The following NRDE2 variants were observed in gnomAD, a reference collection of about 807,000 sequenced individuals.
The protein encoded by NRDE2 is NRDE-2, necessary for RNA interference, domain containing, also known as nuclear exosome regulator NRDE2.
Under a neutral mutation model 124.2 loss-of-function variants are expected in NRDE2, and 76 were observed. The ratio of observed to expected loss-of-function variants is 0.61; its 90% CI spans 0.51 to 0.74. The LOEUF is 0.74. Ranked by LOEUF, NRDE2 falls within the 30% of genes least tolerant of loss-of-function variation. The probability of loss-of-function intolerance (pLI) is 0.00; values close to 1 mark genes in which losing one functional copy is unlikely to be tolerated. For synonymous variants in NRDE2, 489 were observed against 528.1 expected (o/e 0.93, Z 1.01); for missense variants, 1,314 against 1,417.3 (o/e 0.93, Z 1.17).
chr14:90,310,842 G>A (rs1884807658), intron 4 of NRDE2, among the ~76,000 whole-genome samples: 1 of 152,072 alleles, frequency 6.6e-6, no homozygotes, highest in African/African-American at 2.4e-5. Flanking sequence ...CCACATCTGG[G>A]GTAGTACCCT....
intron 4 of NRDE2, 127 bp downstream of exon 4, chr14:90,312,267 T>C: frequency 1.2e-6 from 1 of 806,178 alleles, no homozygotes; most frequent in Non-Finnish European, 2.0e-6. Context: ...GCCTGAACAA[T>C]GCAATAAATA....
intron 12 of NRDE2, among the ~76,000 whole-genome samples, chr14:90,283,706 G>GTTTT (rs199636568): frequency 4.1e-5 from 6 of 147,152 alleles, no homozygotes; most frequent in African/African-American, 7.6e-5. Flanking sequence ...ACTTTTGCAG[G>GTTTT]TTTTTTGTTT....
At position 90,301,351 on chromosome 14, in the gene NRDE2, T is replaced by C. The variant is rs763726146; in HGVS notation, c.1433A>G (p.His478Arg). ...AMFALFLQQCHFLRQAGHSEK... is the reference protein window; with the variant it reads ...AMFALFLQQCRFLRQAGHSEK... ...AGAGTGGCCAGCCTGCCGCAGAAAG[T>C]GGCACTGCTGAAGAAAGAGTGCTGC... The change falls in exon 7 of 14, where the codon CAC (histidine) becomes CGC (arginine). Residue 478 changes from histidine to arginine, a missense_variant. Physicochemically the swap from His to Arg is conservative, Grantham distance 29. Transcript: ENST00000354366. The C allele has an allele frequency of 1.2e-6, 2 of 1,613,918 alleles. No homozygotes were observed. The highest frequency in any genetic ancestry group is 2.2e-5 in the South Asian group (2 of 91,070).
At position 90,290,504 on chromosome 14, in the gene NRDE2, C is replaced by T. The variant is rs777738670; in HGVS notation, c.1946G>A (p.Gly649Asp). The T allele has an allele frequency of 1.2e-6, 2 of 1,613,976 alleles. No homozygotes were observed. The highest frequency in any genetic ancestry group is 4.5e-5 in the East Asian group (2 of 44,884). The change falls in exon 10 of 14, where the codon GGC becomes GAC. Residue 649 changes from glycine (G) to aspartate (D), a missense_variant. Transcript: ENST00000354366. Reference protein sequence around the residue: ...AFLQFLGVPSGFTPPASCLYL... With the variant: ...AFLQFLGVPSDFTPPASCLYL... ...AAGACAGGAGGCTGGAGGAGTAAAG[C>T]CAGAAGGCACACCCAAGAACTGCAG...
intron 3 of NRDE2, among the ~76,000 whole-genome samples, chr14:90,313,248 T>C (rs1273590306): frequency 2.7e-5 from 4 of 149,704 alleles, no homozygotes; most frequent in Non-Finnish European, 5.9e-5. Flanking sequence ...TGCCTCAGCC[T>C]CCTGAGTAGC....
At position 90,292,844 on chromosome 14, in the gene NRDE2, A is replaced by G. The variant is rs142369864; in HGVS notation, c.1695T>C (p.Asp565=). The change falls in exon 9 of 14, where the codon GAT becomes GAC. Residue 565 remains aspartate (D), a synonymous_variant. Transcript: ENST00000354366. ...GAGTCTTATCTTTTATTTCCTGGTC[A>G]TCCTCTTCTGGTTCATCGTCATCCT... ...PDEDDDEPEE[D]DQEIKDKTLP... The G allele has an allele frequency of 6.0e-5, 97 of 1,613,942 alleles. No homozygotes were observed. In the African/African-American group the frequency reaches 1.1e-3, roughly 18 times the overall value.
At chr14:90,298,434 C>T in intron 7 of NRDE2, 54 bp from the exon 8 acceptor site, 1 of 1,599,906 alleles carries the variant, frequency 6.3e-7, no homozygotes, top group Non-Finnish European at 8.5e-7. Context: ...ACTGCTGAGT[C>T]AGTGGGCAAA....
Position 90,287,033 on chromosome 14 carries a change from CAAAAAAA to C in NRDE2, c.3159-548_3159-542del, listed in dbSNP as rs60863011. ...TGGGCAACAGAGTGAGACTCCGTCT[CAAAAAAA>C]AAAAAAAAAAAAAAAAAAAAAAAGA... On this transcript the variant is annotated intron_variant, in intron 11 of 13. Transcript: ENST00000354366. Among the ~76,000 whole-genome samples the C allele has an allele frequency of 2.4e-3, 58 of 23,812 alleles. No homozygotes were observed. The East Asian group carries it at 0.078, about 32-fold the overall frequency. 15.6% of individuals were successfully genotyped at this position (23,812 alleles called of 152,430 possible).
In NRDE2 at chr14:90,302,874, C is replaced by T. The variant is rs1259889705; in HGVS notation, c.1257G>A (p.Gln419=). 1 of 1,614,000 alleles carries T rather than the reference C, an allele frequency of 6.2e-7. No homozygotes were observed. Among genetic ancestry groups the T allele is most frequent in the Non-Finnish European group, 8.5e-7 (1 of 1,180,046 alleles). The part of the protein sequence containing the change: ...FLHPNNTALW[Q]KYLLFCQSQF... ...GGCTCTGGCAAAATAAAAGGTATTT[C>T]TGCCAAAGGGCTGTATTATTGGGAT... Residue 419 remains glutamine, a synonymous_variant, in exon 6 of 14, where the codon CAG becomes CAA. Coordinates refer to ENST00000354366, the MANE Select transcript of NRDE2 (RefSeq NM_017970.4).
At chr14:90,301,200 A>C (rs770282941) in intron 7 of NRDE2, 39 bp downstream of exon 7, 1 of 1,603,460 alleles carries the variant, frequency 6.2e-7, no homozygotes, top group Non-Finnish European at 8.5e-7. Context: ...CCAGAGAAAG[A>C]GCCAGGAAGA....
chr14:90,285,346 G>C (rs1892073612), intron 12 of NRDE2, among the ~76,000 whole-genome samples: 1 of 139,880 alleles, frequency 7.1e-6, no homozygotes, highest in Admixed American at 7.5e-5. Flanking sequence ...CTGTCGTTCA[G>C]GCTGGAGTAG....
At position 90,276,559 on chromosome 14, in the gene NRDE2, T is replaced by A. The variant is rs1200084517; in HGVS notation, c.*1777A>T. The A allele has an allele frequency of 1.3e-5, 2 of 152,138 alleles. No homozygotes were observed. Among genetic ancestry groups the A allele is most frequent in the African/African-American group, 4.8e-5 (2 of 41,430 alleles). The allele number at this position is 152,138 out of a possible 1,614,324, so 9.4% of individuals were successfully genotyped here. ...AATAACAACAGTGATGCTCTTGACA[T>A]CTTGTTTTCTGTAAAATGCCCTCAA... On this transcript the variant is annotated 3_prime_UTR_variant, in exon 14 of 14. Transcript: ENST00000354366.
rs1892192827 is a variant in NRDE2 at position 90,288,930 on chromosome 14, C to T, written c.2445G>A (p.Leu815=). 6.2e-7 allele frequency: 1 copy of T among 1,612,492 alleles called. No individual in the cohort carries two copies. Among genetic ancestry groups the T allele is most frequent in the Non-Finnish European group, 8.5e-7 (1 of 1,178,574 alleles). Residue 815 remains leucine (L), a synonymous_variant, in exon 11 of 14, where the codon CTG becomes CTA. Transcript: ENST00000354366. Reference sequence around the variant, plus strand: ...TGAGCTCACAGAGGTCAGAGTCTTTCAGTTCTCTGCTTCCTGCCATGCCAA... The same window carrying T: ...TGAGCTCACAGAGGTCAGAGTCTTTTAGTTCTCTGCTTCCTGCCATGCCAA... ...TALGMAGSRE[L]KDSDLCELSL... is the part of the protein sequence containing the mutation.
intron 8 of NRDE2, among the ~76,000 whole-genome samples, chr14:90,296,898 G>A (rs1358241058): frequency 1.3e-5 from 2 of 152,060 alleles, no homozygotes; most frequent in Non-Finnish European, 2.9e-5. Flanking sequence ...CAGCACTTTG[G>A]GAGGTAGAGG....
chr14:90,330,161 C>T (rs1399699775), intron 1 of NRDE2, among the ~76,000 whole-genome samples: 3 of 149,448 alleles, frequency 2.0e-5, no homozygotes, highest in East Asian at 3.9e-4. Context: ...GAGCCAAGAT[C>T]GTACAATTAC....
rs1449413598 is a variant in NRDE2, at chr14:90,275,549, AG to A, written c.*2786del. On this transcript the variant is annotated 3_prime_UTR_variant, in exon 14 of 14. Coordinates refer to ENST00000354366, the MANE Select transcript of NRDE2 (RefSeq NM_017970.4). ...AGCAAATGCCAGGGCCTAGAGTGTCAGGGTAGCGGGCTGAACTGCGCCCCAC... is the reference window on the plus strand; with the variant it reads ...AGCAAATGCCAGGGCCTAGAGTGTCAGGTAGCGGGCTGAACTGCGCCCCAC... 15 of 152,226 alleles carry A rather than the reference AG, an allele frequency of 9.9e-5. No individual in the cohort carries two copies. The highest frequency in any genetic ancestry group is 3.6e-4 in the African/African-American group (15 of 41,456). The allele number at this position is 152,226 out of a possible 1,614,324, so 9.4% of individuals were successfully genotyped here.
chr14:90,331,565 A>G (rs1465106616), intron 1 of NRDE2, among the ~76,000 whole-genome samples: 2 of 152,262 alleles, frequency 1.3e-5, no homozygotes, highest in Non-Finnish European at 2.9e-5. Flanking sequence ...GCTCGAAAAG[A>G]AGAACAGGAC....
intron 4 of NRDE2, 89 bp from the exon 5 acceptor site, chr14:90,304,471 A>G: frequency 1.0e-6 from 1 of 962,192 alleles, no homozygotes; most frequent in Admixed American, 2.8e-5. Flanking sequence ...AACTCTCGTT[A>G]TGCAGGTTCA....
At chr14:90,316,330 C>G (rs1052582022) in intron 3 of NRDE2, among the ~76,000 whole-genome samples, 2 of 152,178 alleles carry the variant, frequency 1.3e-5, no homozygotes, top group African/African-American at 4.8e-5. Context: ...CATCTGCCAT[C>G]TTTTGAAAAT....
Sources: gnomAD v4.1 joint callset for allele counts (sites outside exome capture counted in the v4.1 genomes callset) on GRCh38, gnomAD v4.1.1 for gene constraint, MANE v1.5 for transcripts, NCBI Gene and HGNC (gene_info 2026-07-23, HGNC 2026-07-21) for gene names.